Variants in TMA16 observed in about 807,000 individuals in gnomAD.
TMA16 encodes translation machinery-associated protein 16.
A neutral mutation model predicts 27.1 loss-of-function variants in TMA16; 26 were observed. The observed-to-expected ratio is 0.96, with a 90% CI of 0.70 to 1.33. TMA16 has a LOEUF of 1.33. Ranked by LOEUF, TMA16 falls within the 40% of genes most tolerant of loss-of-function variation. The pLI is 0.00. For synonymous variants in TMA16, 71 were observed against 81.9 expected (o/e 0.87, Z 0.72); for missense variants, 233 against 241.4 (o/e 0.97, Z 0.23).
At chr4:163,512,013 C>CTTTTT (rs111789578) in intron 2 of TMA16, among the ~76,000 whole-genome samples, 1 of 144,218 alleles carries the variant, frequency 6.9e-6, no homozygotes, top group Non-Finnish European at 1.5e-5. Context: ...TAGTCCCTAT[C>CTTTTT]TTTTTTTTTT....
intron 1 of TMA16, among the ~76,000 whole-genome samples, chr4:163,496,093 G>T (rs11730351): frequency 6.6e-6 from 1 of 152,034 alleles, no homozygotes; most frequent in Non-Finnish European, 1.5e-5. Flanking sequence ...CAAAAGAGTG[G>T]CATATGAACC....
chr4:163,494,885 G>A, intron 1 of TMA16, 81 bp downstream of exon 1: 1 of 1,590,290 alleles, frequency 6.3e-7, no homozygotes, highest in African/African-American at 1.3e-5. Flanking sequence ...GGGAGGGTGC[G>A]GTTTCGGGAA....
At chr4:163,498,772 C>CT (rs1258042828) in intron 1 of TMA16, among the ~76,000 whole-genome samples, 1 of 152,226 alleles carries the variant, frequency 6.6e-6, no homozygotes, top group African/African-American at 2.4e-5. Context: ...GCTGACGCCT[C>CT]TGTCTCCCCA....
rs4362779 is a variant in TMA16, at chr4:163,519,591, T to C, written c.*77T>C. ...CATTGATTATGGTACCTAATTGTCA[T>C]GATACAAAAATTTGATACTGACATT... On this transcript the variant is annotated 3_prime_UTR_variant, in exon 7 of 7. Coordinates refer to ENST00000358572, the MANE Select transcript of TMA16 (RefSeq NM_018352.3). The C allele has an allele frequency of 7.2e-7, 1 of 1,381,376 alleles. No homozygotes were observed. Among genetic ancestry groups the C allele is most frequent in the East Asian group, 2.8e-5 (1 of 35,858 alleles). 85.6% of individuals were successfully genotyped at this position (1,381,376 alleles called of 1,614,324 possible). A position where few individuals can be genotyped will look rare whatever the true frequency, so the allele number is the denominator to read the frequency against.
intron 6 of TMA16, 162 bp downstream of exon 6, chr4:163,517,638 TACAA>T (rs34128899): frequency 0.44 from 253,902 of 582,956 alleles, 58,290 homozygotes; most frequent in Admixed American, 0.56. Context: ...AAGTTGGGCG[TACAA>T]ACAGTTGATC....
At chr4:163,515,270 C>T (rs1437249989) in intron 4 of TMA16, 43 bp from the exon 5 acceptor site, 1 of 1,573,296 alleles carries the variant, frequency 6.4e-7, no homozygotes, top group Non-Finnish European at 8.6e-7. Flanking sequence ...AAGCCCAATA[C>T]ATATACTTTG....
chr4:163,516,175 G>A (rs956600673), intron 5 of TMA16: 3 of 152,278 alleles, frequency 2.0e-5, no homozygotes, highest in Non-Finnish European at 4.4e-5. Context: ...TAAACCATTT[G>A]TTGGTGATAC....
At chr4:163,501,263 T>C (rs1469604453) in intron 1 of TMA16, among the ~76,000 whole-genome samples, 1 of 152,206 alleles carries the variant, frequency 6.6e-6, no homozygotes, top group Non-Finnish European at 1.5e-5. Context: ...TCCTGTGTTA[T>C]TATTCTGGGT....
intron 5 of TMA16, among the ~76,000 whole-genome samples, chr4:163,516,260 C>T (rs1196892596): frequency 1.3e-5 from 2 of 152,332 alleles, no homozygotes; most frequent in Admixed American, 6.5e-5. Flanking sequence ...GATGAACAGA[C>T]TCTGATGAGT....
At position 163,511,614 on chromosome 4, in the gene TMA16, G is replaced by A. The variant is rs564736244; in HGVS notation, c.117-1208G>A. Among the ~76,000 whole-genome samples, 7 of 151,004 alleles carry A rather than the reference G, an allele frequency of 4.6e-5. No homozygotes were observed. The East Asian group carries it at 7.8e-4, about 17-fold the overall frequency. On this transcript the variant is annotated intron_variant, in intron 2 of 6. Coordinates refer to ENST00000358572, the MANE Select transcript of TMA16 (RefSeq NM_018352.3). The stretch of plus-strand genomic sequence containing the variant: ...CCGCTTGAGGCCAGGAGTTTGAGAC[G>A]AGCCTGGGTGACACAGTGAGACTCT...
intron 5 of TMA16, chr4:163,516,212 G>A (rs933634997): frequency 1.3e-5 from 2 of 152,268 alleles, no homozygotes; most frequent in South Asian, 2.1e-4. Context: ...CAGATCTGCT[G>A]TGCTGCAGTG....
Position 163,499,690 on chromosome 4 carries a change from C to T in TMA16, c.3+4886C>T, listed in dbSNP as rs147836881. On this transcript the variant is annotated intron_variant, in intron 1 of 6. Coordinates refer to ENST00000358572, the MANE Select transcript of TMA16 (RefSeq NM_018352.3). Reference sequence around the variant, plus strand: ...TTAACCATACCTATTACAATGTAAACGCTGTATAGTGATTATATTGTTTTT... The same window carrying T: ...TTAACCATACCTATTACAATGTAAATGCTGTATAGTGATTATATTGTTTTT... 8.3e-4 allele frequency among the ~76,000 whole-genome samples: 126 copies of T among 151,778 alleles called. 1 individual carries two copies. Among genetic ancestry groups the T allele is most frequent in the Middle Eastern group, 3.4e-3 (1 of 292 alleles).
intron 6 of TMA16, among the ~76,000 whole-genome samples, chr4:163,518,965 G>T (rs1016357549): frequency 6.6e-6 from 1 of 152,084 alleles, no homozygotes; most frequent in South Asian, 2.1e-4. Context: ...CAATACTGAG[G>T]TTGAAAAACT....
intron 4 of TMA16, among the ~76,000 whole-genome samples, chr4:163,514,659 T>C (rs898383727): frequency 1.3e-5 from 2 of 152,074 alleles, no homozygotes; most frequent in Non-Finnish European, 2.9e-5. Flanking sequence ...CAGGAGGCTT[T>C]TACAGCAAGC....
intron 1 of TMA16, among the ~76,000 whole-genome samples, chr4:163,499,624 G>A (rs1433918578): frequency 2.6e-5 from 4 of 152,038 alleles, no homozygotes; most frequent in African/African-American, 7.2e-5. Context: ...TCGTTTTTGC[G>A]TGTAGCCTGT....
intron 1 of TMA16, among the ~76,000 whole-genome samples, chr4:163,497,842 G>A (rs6816145): frequency 0.11 from 17,047 of 152,202 alleles, 1,040 homozygotes; most frequent in African/African-American, 0.14. Context: ...GGAGGGCAGA[G>A]CATTATTGCG....
intron 2 of TMA16, among the ~76,000 whole-genome samples, chr4:163,509,493 A>T (rs1285689781): frequency 6.6e-6 from 1 of 152,200 alleles, no homozygotes; most frequent in Non-Finnish European, 1.5e-5. Flanking sequence ...GTTGCCACTT[A>T]ACTGGGTGTT....
At chr4:163,512,930 T>A in intron 3 of TMA16, 71 bp downstream of exon 3, 1 of 1,183,966 alleles carries the variant, frequency 8.4e-7, no homozygotes. Flanking sequence ...TGTTTTTCTT[T>A]TTACTCTTTT....
Position 163,494,765 on chromosome 4 carries a change from G to A in TMA16, c.-37G>A. 6.2e-7 allele frequency: 1 copy of A among 1,613,086 alleles called. No individual in the cohort carries two copies. Among genetic ancestry groups the A allele is most frequent in the Non-Finnish European group, 8.5e-7 (1 of 1,180,018 alleles). Reference sequence around the variant, plus strand: ...CGGTTGGTGAGATTACCTGGGTCTAGAGTGCGGAGCTGCTCCGTGGCCACG... The same window carrying A: ...CGGTTGGTGAGATTACCTGGGTCTAAAGTGCGGAGCTGCTCCGTGGCCACG... On this transcript the variant is annotated 5_prime_UTR_variant, in exon 1 of 7. Coordinates refer to ENST00000358572, the MANE Select transcript of TMA16 (RefSeq NM_018352.3).
Sources: gnomAD v4.1 joint callset for allele counts (sites outside exome capture counted in the v4.1 genomes callset) on GRCh38, gnomAD v4.1.1 for gene constraint, MANE v1.5 for transcripts, NCBI Gene and HGNC (gene_info 2026-07-23, HGNC 2026-07-21) for gene names.